Variants in PDZD2 observed in about 807,000 individuals in gnomAD.
PDZD2 encodes the protein PDZ domain containing 2.
A neutral mutation model predicts 220.7 loss-of-function variants in PDZD2; 90 were observed. The observed-to-expected ratio is 0.41, with a 90% CI of 0.34 to 0.49. The LOEUF is 0.49. Among genes scored for constraint, PDZD2 ranks in the 20% least tolerant of loss-of-function variants. PDZD2 has a pLI of 0.28. For missense variants in PDZD2, 3,174 were observed against 3,608.5 expected, an observed-to-expected ratio of 0.88 and a Z score of 3.08; for synonymous variants, 1,375 against 1,450.5, an observed-to-expected ratio of 0.95 and a Z score of 1.18.
chr5:31,813,184 C>T (rs1755224099), intron 2 of PDZD2, among the ~76,000 whole-genome samples: 1 of 152,152 alleles, frequency 6.6e-6, no homozygotes, highest in African/African-American at 2.4e-5. Context: ...GGTGCGGTGG[C>T]TCACGCCTGT....
chr5:31,919,271 G>A (rs1454948680), intron 2 of PDZD2, among the ~76,000 whole-genome samples: 1 of 152,036 alleles, frequency 6.6e-6, no homozygotes, highest in African/African-American at 2.4e-5. Context: ...CTGAGGCATT[G>A]AAAGATTCAG....
At chr5:31,642,117 G>T (rs972726974) in intron 1 of PDZD2, among the ~76,000 whole-genome samples, 1 of 152,168 alleles carries the variant, frequency 6.6e-6, no homozygotes, top group African/African-American at 2.4e-5. Flanking sequence ...GGGCATCTCT[G>T]TTGGAAGGTC....
chr5:32,072,264 C>A lies in PDZD2; in HGVS notation c.2672C>A (p.Pro891Gln). ...GCCGGTTCTGAGGACGAGGATCACC[C>A]GGGAAGTGGCTGCAGCACGTCGGAG... ...MVAGSEDEDH[P>Q]GSGCSTSEEG... The change falls in exon 17 of 25, where the codon CCG (proline) becomes CAG (glutamine). Residue 891 changes from proline to glutamine, a missense_variant. Pro to Gln is a moderately conservative substitution (Grantham distance 76, BLOSUM62 -1). Around this residue, in one of 4 missense-constraint regions of PDZD2, gnomAD observed 1,861 missense variants for 2,001.0 expected, o/e 0.93. Transcript: ENST00000438447. 1 of 1,614,076 alleles carries A rather than the reference C, an allele frequency of 6.2e-7. No individual in the cohort carries two copies. The highest frequency in any genetic ancestry group is 1.7e-5 in the Admixed American group (1 of 60,018).
rs747473895 is a variant in PDZD2, at chr5:32,048,692, C to T, written c.1665+8C>T. 2 of 1,613,772 alleles carry T rather than the reference C, an allele frequency of 1.2e-6. No individual in the cohort carries two copies. The highest frequency in any genetic ancestry group is 8.5e-7 in the Non-Finnish European group (1 of 1,179,774). On this transcript the variant is annotated splice_region_variant and intron_variant, in intron 8 of 24. Coordinates refer to ENST00000438447, the MANE Select transcript of PDZD2 (RefSeq NM_178140.4). The stretch of plus-strand genomic sequence containing the variant: ...TCTTCCAGTGCCTCACAGGTCCGAC[C>T]AGGGCTGTGGATCTTTTCAAAGACC...
At chr5:31,736,083 C>T (rs190079910) in intron 1 of PDZD2, among the ~76,000 whole-genome samples, 7 of 152,208 alleles carry the variant, frequency 4.6e-5, no homozygotes, top group African/African-American at 9.6e-5. Flanking sequence ...TCATCTAAAA[C>T]GGAGGTAATG....
At chr5:32,100,493 C>T in intron 23 of PDZD2, 1 of 278,720 alleles carries the variant, frequency 3.6e-6, no homozygotes, top group Admixed American at 4.8e-5. Context: ...CACAGTGGAG[C>T]AAGATGCCAG....
chr5:31,869,273 C>T (rs953932077), intron 2 of PDZD2, among the ~76,000 whole-genome samples: 3 of 152,204 alleles, frequency 2.0e-5, no homozygotes, highest in South Asian at 2.1e-4. Context: ...ATTCCAGCCA[C>T]GCTCCTCAGC....
At chr5:32,040,371 G>A (rs1047270661) in intron 7 of PDZD2, among the ~76,000 whole-genome samples, 4 of 150,030 alleles carry the variant, frequency 2.7e-5, no homozygotes, top group Admixed American at 6.6e-5. Flanking sequence ...GCCCCGTCTA[G>A]GAAGTGAGGA....
intron 18 of PDZD2, 109 bp downstream of exon 18, chr5:32,074,752 G>C (rs1741128886): frequency 1.4e-6 from 1 of 690,610 alleles, no homozygotes; most frequent in Admixed American, 2.9e-5. Flanking sequence ...AAGGATGATG[G>C]CTGGAGAATT....
rs397884384 is a variant in PDZD2, at chr5:31,878,555, C to CTTTTTTTTTTTTTTTT, written c.476+78840_476+78855dup. Among the ~76,000 whole-genome samples the CTTTTTTTTTTTTTTTT allele has an allele frequency of 5.5e-3, 267 of 48,194 alleles. 75 individuals are homozygous for CTTTTTTTTTTTTTTTT. Among genetic ancestry groups the CTTTTTTTTTTTTTTTT allele is most frequent in the East Asian group, 0.016 (13 of 828 alleles). The allele number at this position is 48,194 out of a possible 152,430, so 31.6% of individuals were successfully genotyped here. A position where few individuals can be genotyped will look rare whatever the true frequency, so the allele number is the denominator to read the frequency against. The stretch of plus-strand genomic sequence containing the variant: ...TTCTTTGGTGGTCAGATGACCTCGG[C>CTTTTTTTTTTTTTTTT]TTTTTTTTTTTTTTTTTTTTTTTTG... On this transcript the variant is annotated intron_variant, in intron 2 of 24. Coordinates refer to ENST00000438447, the MANE Select transcript of PDZD2 (RefSeq NM_178140.4).
At chr5:31,993,133 T>C (rs1282572081) in intron 3 of PDZD2, among the ~76,000 whole-genome samples, 1 of 152,124 alleles carries the variant, frequency 6.6e-6, no homozygotes, top group Non-Finnish European at 1.5e-5. Flanking sequence ...AGGGAGGATG[T>C]TTCTGAATGG....
intron 2 of PDZD2, chr5:31,854,891 C>A (rs1223298243): frequency 6.5e-5 from 52 of 797,464 alleles, no homozygotes; most frequent in Non-Finnish European, 7.4e-5. Context: ...TTCCTAACCT[C>A]CTCCACCGCG....
At chr5:31,805,454 G>C (rs1754658787) in intron 2 of PDZD2, among the ~76,000 whole-genome samples, 1 of 152,180 alleles carries the variant, frequency 6.6e-6, no homozygotes, top group Non-Finnish European at 1.5e-5. Flanking sequence ...ACAGACCCCA[G>C]TGTACCCCTC....
intron 16 of PDZD2, 75 bp downstream of exon 16, chr5:32,071,493 C>T (rs375127932): frequency 6.2e-5 from 71 of 1,151,734 alleles, no homozygotes; most frequent in East Asian, 1.2e-4. Context: ...CAAGTCAAGC[C>T]GGAGGGCCCA....
chr5:31,864,971 C>T (rs1470846228), intron 2 of PDZD2, among the ~76,000 whole-genome samples: 1 of 150,946 alleles, frequency 6.6e-6, no homozygotes, highest in African/African-American at 2.4e-5. Flanking sequence ...GCCTCAGCCC[C>T]CCGAGTAGCT....
Position 31,874,617 on chromosome 5 carries a change from C to T in PDZD2, c.476+74893C>T, listed in dbSNP as rs553485590. On this transcript the variant is annotated intron_variant, in intron 2 of 24. Coordinates refer to ENST00000438447, the MANE Select transcript of PDZD2 (RefSeq NM_178140.4). ...CTCTACTAAAAGTAAAAAAATTAGT[C>T]GGGTGTGGTGGCACATGCCTATAGT... Among the ~76,000 whole-genome samples, 51 of 151,938 alleles carry T rather than the reference C, an allele frequency of 3.4e-4. No individual in the cohort carries two copies. The East Asian group carries it at 5.4e-3, about 16-fold the overall frequency.
intron 1 of PDZD2, among the ~76,000 whole-genome samples, chr5:31,752,694 CA>C (rs1751080952): frequency 1.3e-5 from 2 of 152,100 alleles, no homozygotes; most frequent in South Asian, 4.2e-4. Context: ...GGATTATAGG[CA>C]TGAGCCACCA....
intron 1 of PDZD2, among the ~76,000 whole-genome samples, chr5:31,689,278 T>C (rs1316677829): frequency 6.2e-5 from 5 of 80,444 alleles, no homozygotes; most frequent in Admixed American, 1.5e-4. Flanking sequence ...CATATATACA[T>C]ATATATACAT....
intron 2 of PDZD2, among the ~76,000 whole-genome samples, chr5:31,897,990 C>G (rs1157388871): frequency 6.6e-6 from 1 of 152,164 alleles, no homozygotes; most frequent in Non-Finnish European, 1.5e-5. Context: ...ATCTGACCAC[C>G]TTGGCCTCCC....
Sources: gnomAD v4.1 joint callset for allele counts (sites outside exome capture counted in the v4.1 genomes callset) on GRCh38, gnomAD v4.1.1 for gene constraint, gnomAD v4.1.1 regional missense constraint, MANE v1.5 for transcripts, NCBI Gene and HGNC (gene_info 2026-07-23, HGNC 2026-07-21) for gene names.